FAF1: variants seen among roughly 807,000 people sequenced by gnomAD.
FAF1 encodes the protein FAS-associated factor 1.
Under a neutral mutation model 92.5 loss-of-function variants are expected in FAF1, and 25 were observed. The ratio of observed to expected loss-of-function variants is 0.27; its 90% CI spans 0.20 to 0.38. FAF1 has a LOEUF of 0.38. Among genes scored for constraint, FAF1 ranks in the 10% least tolerant of loss-of-function variants. The pLI is 1.00. For synonymous variants in FAF1, 234 were observed against 273.2 expected (o/e 0.86, Z 1.42); for missense variants, 636 against 793.3 (o/e 0.80, Z 2.38).
intron 6 of FAF1, among the ~76,000 whole-genome samples, chr1:50,733,049 A>G (rs1265418044): frequency 6.6e-6 from 1 of 151,008 alleles, no homozygotes; most frequent in African/African-American, 2.4e-5. Context: ...CTCTACCCCA[A>G]CTCAGTTTCT....
intron 15 of FAF1, among the ~76,000 whole-genome samples, chr1:50,508,298 A>G (rs1647085513): frequency 6.6e-6 from 1 of 152,262 alleles, no homozygotes. Context: ...TGTTCACTGC[A>G]TCATTATTCA....
intron 4 of FAF1, among the ~76,000 whole-genome samples, chr1:50,746,280 ATATATATATATATTTTTTTTTTTTT>A (rs1659606568): frequency 2.6e-4 from 5 of 18,880 alleles, no homozygotes; most frequent in South Asian, 2.8e-3. Context: ...ATATATATAT[ATATATATATATATTTTTTTTTTTTT>A]TTTTTTTTTT....
intron 15 of FAF1, among the ~76,000 whole-genome samples, chr1:50,531,473 T>C (rs1021363876): frequency 1.6e-4 from 25 of 152,188 alleles, no homozygotes; most frequent in Admixed American, 1.4e-3. Context: ...ATCTATTATT[T>C]GGAATCAGGC....
At chr1:50,626,376 T>C (rs1045050275) in intron 8 of FAF1, among the ~76,000 whole-genome samples, 7 of 152,098 alleles carry the variant, frequency 4.6e-5, no homozygotes, top group African/African-American at 1.7e-4. Context: ...CTAAATAAAA[T>C]ATAAAATCAC....
chr1:50,647,891 G>A (rs905920613), intron 8 of FAF1, among the ~76,000 whole-genome samples: 1 of 152,140 alleles, frequency 6.6e-6, no homozygotes, highest in African/African-American at 2.4e-5. Flanking sequence ...AGTAGAAGAA[G>A]AGAACTATAA....
chr1:50,790,447 T>C (rs1164570124), intron 3 of FAF1, among the ~76,000 whole-genome samples: 1 of 152,188 alleles, frequency 6.6e-6, no homozygotes, highest in Non-Finnish European at 1.5e-5. Context: ...GCTTTATTTG[T>C]GTTTTTAATG....
At chr1:50,615,512 T>C (rs530610423) in intron 8 of FAF1, among the ~76,000 whole-genome samples, 1 of 152,360 alleles carries the variant, frequency 6.6e-6, no homozygotes, top group South Asian at 2.1e-4. Context: ...GTGCTCCCTT[T>C]TCTATGCAGT....
At chr1:50,758,107 G>A (rs563773861) in intron 4 of FAF1, among the ~76,000 whole-genome samples, 4 of 152,210 alleles carry the variant, frequency 2.6e-5, no homozygotes, top group East Asian at 3.9e-4. Flanking sequence ...TAGTAGAGAC[G>A]ATGTTTTGCT....
chr1:50,629,318 T>C (rs545002814), intron 8 of FAF1, among the ~76,000 whole-genome samples: 2 of 152,248 alleles, frequency 1.3e-5, no homozygotes, highest in East Asian at 1.9e-4. Flanking sequence ...TATAGGTGCA[T>C]GGCACCACGC....
chr1:50,643,678 C>T (rs1294911741), intron 8 of FAF1, among the ~76,000 whole-genome samples: 4 of 152,164 alleles, frequency 2.6e-5, no homozygotes, highest in African/African-American at 4.8e-5. Context: ...CAGCAACCTC[C>T]GCCTCCCAGA....
intron 7 of FAF1, among the ~76,000 whole-genome samples, chr1:50,696,546 T>C (rs1054599171): frequency 5.3e-5 from 8 of 152,218 alleles, no homozygotes; most frequent in African/African-American, 1.7e-4. Flanking sequence ...ATTATAATCA[T>C]AATCAATGTG....
intron 8 of FAF1, among the ~76,000 whole-genome samples, chr1:50,646,280 G>A (rs1023359475): frequency 6.6e-6 from 1 of 151,932 alleles, no homozygotes; most frequent in Non-Finnish European, 1.5e-5. Context: ...GGTAAAAATC[G>A]GCTCACAATG....
At chr1:50,959,649 G>T (rs1645299128) in intron 1 of FAF1, 118 bp downstream of exon 1, 1 of 751,568 alleles carries the variant, frequency 1.3e-6, no homozygotes, top group Non-Finnish European at 2.2e-6. Flanking sequence ...GCCACGCACC[G>T]TATAAAAGCC....
chr1:50,721,213 C>CGCTGGAGATAAGTCTCACCACCAG (rs1557492855), intron 6 of FAF1, among the ~76,000 whole-genome samples: 1 of 151,572 alleles, frequency 6.6e-6, no homozygotes, highest in Non-Finnish European at 1.5e-5. Flanking sequence ...CTTATCACCA[C>CGCTGGAGATAAGTCTCACCACCAG]GCTGGAGATA....
intron 4 of FAF1, among the ~76,000 whole-genome samples, chr1:50,771,193 C>T (rs1330818707): frequency 6.6e-6 from 1 of 152,070 alleles, no homozygotes; most frequent in African/African-American, 2.4e-5. Flanking sequence ...TAGGCCCTGG[C>T]AAAGATTTCA....
At chr1:50,705,718 C>T (rs1286637108) in intron 7 of FAF1, 68 bp downstream of exon 7, 3 of 860,868 alleles carry the variant, frequency 3.5e-6, no homozygotes, top group African/African-American at 3.4e-5. Flanking sequence ...CAGATAAGCC[C>T]TCTTTAACAG....
intron 1 of FAF1, among the ~76,000 whole-genome samples, chr1:50,948,292 G>A (rs76183105): frequency 0.06 from 9,200 of 152,206 alleles, 376 homozygotes; most frequent in Non-Finnish European, 0.089. Flanking sequence ...AAAAATCTGA[G>A]GCTGGGTAAT....
intron 8 of FAF1, among the ~76,000 whole-genome samples, chr1:50,637,681 ATGTGTGTG>A (rs142201244): frequency 1.2e-4 from 16 of 137,096 alleles, no homozygotes; most frequent in African/African-American, 1.1e-4. Flanking sequence ...ACATATATAT[ATGTGTGTG>A]TGTGTGTGTG....
intron 4 of FAF1, among the ~76,000 whole-genome samples, chr1:50,779,569 T>C (rs1422624737): frequency 6.6e-6 from 1 of 151,500 alleles, no homozygotes; most frequent in Non-Finnish European, 1.5e-5. Flanking sequence ...AGATATGAGA[T>C]AAATATAGAA....
Sources: gnomAD v4.1 joint callset for allele counts (sites outside exome capture counted in the v4.1 genomes callset) on GRCh38, gnomAD v4.1.1 for gene constraint, MANE v1.5 for transcripts, NCBI Gene and HGNC (gene_info 2026-07-23, HGNC 2026-07-21) for gene names.